The following ANO4 variants were observed in gnomAD, a reference collection of about 807,000 sequenced individuals.
ANO4 encodes anoctamin 4.
In ANO4, 69 loss-of-function variants were observed where a neutral mutation model predicts 141.9. That is an observed-to-expected ratio of 0.49 (90% CI 0.40 to 0.59). The LOEUF is 0.59. Ranked by LOEUF, ANO4 falls within the 20% of genes least tolerant of loss-of-function variation. The pLI is 0.00. For missense variants in ANO4, 894 were observed against 1,162.2 expected (o/e 0.77, Z 3.36); for synonymous variants, 350 against 394.3 (o/e 0.89, Z 1.33).
intron 5 of ANO4, among the ~76,000 whole-genome samples, chr12:100,967,882 G>A (rs1298022597): frequency 2.0e-5 from 3 of 152,104 alleles, no homozygotes; most frequent in Admixed American, 6.5e-5. Flanking sequence ...AACTTCAGAA[G>A]TTATCAGGTA....
At chr12:100,772,202 A>G (rs2033329057) in intron 3 of ANO4, among the ~76,000 whole-genome samples, 1 of 152,222 alleles carries the variant, frequency 6.6e-6, no homozygotes, top group Non-Finnish European at 1.5e-5. Flanking sequence ...TTGAGGAAGC[A>G]TGACATGGGA....
chr12:100,946,848 C>T (rs537000190), intron 5 of ANO4, among the ~76,000 whole-genome samples: 58 of 152,276 alleles, frequency 3.8e-4, no homozygotes, highest in African/African-American at 1.3e-3. Context: ...AAGAAGGAGT[C>T]ACCAAGGAGC....
chr12:101,106,546 T>C (rs1334400652), intron 22 of ANO4, among the ~76,000 whole-genome samples: 1 of 145,338 alleles, frequency 6.9e-6, no homozygotes, highest in African/African-American at 2.6e-5. Flanking sequence ...AATTTATTGA[T>C]ATATGGATAT....
At chr12:101,063,245 C>T (rs1403133763) in intron 14 of ANO4, among the ~76,000 whole-genome samples, 1 of 152,196 alleles carries the variant, frequency 6.6e-6, no homozygotes, top group Admixed American at 6.5e-5. Context: ...ATGAGATGAG[C>T]TGGGTACTTC....
rs11832278 is a variant in ANO4, at chr12:101,050,525, G to A, written c.1312+2124G>A. On this transcript the variant is annotated intron_variant, in intron 14 of 27. Coordinates refer to ENST00000392977, the MANE Select transcript of ANO4 (RefSeq NM_001286615.2). ...CTATTAGTATCATACACCGTGATTC[G>A]GATAAGCCATATAATGCTTAAGCTT... Among the ~76,000 whole-genome samples the A allele has an allele frequency of 2.9e-3, 434 of 152,164 alleles. 2 individuals are homozygous for A. The highest frequency in any genetic ancestry group is 9.6e-3 in the African/African-American group (400 of 41,498).
At chr12:100,788,479 A>G (rs1471134955) in intron 3 of ANO4, among the ~76,000 whole-genome samples, 1 of 152,190 alleles carries the variant, frequency 6.6e-6, no homozygotes, top group Non-Finnish European at 1.5e-5. Context: ...GTCACTGGAT[A>G]GCATTTTAAT....
At chr12:100,792,939 G>A (rs970428476), upstream of ANO4, among the ~76,000 whole-genome samples, 1 of 152,158 alleles carries the variant, frequency 6.6e-6, no homozygotes, top group Non-Finnish European at 1.5e-5. Flanking sequence ...GAAATTATTT[G>A]TGCATTTATA....
chr12:100,735,527 G>A (rs1204386875), intron 2 of ANO4, among the ~76,000 whole-genome samples: 1 of 152,106 alleles, frequency 6.6e-6, no homozygotes, highest in African/African-American at 2.4e-5. Flanking sequence ...TGAACAGGAT[G>A]GAGTTCCTAT....
intron 1 of ANO4, among the ~76,000 whole-genome samples, chr12:100,808,713 CACCGT>C (rs1356820781): frequency 2.6e-5 from 4 of 152,174 alleles, no homozygotes; most frequent in African/African-American, 9.7e-5. Flanking sequence ...GTTTCTTTGA[CACCGT>C]AAAATAGATT....
chr12:101,066,300 T>G lies in ANO4; in HGVS notation c.1313-12893T>G, dbSNP rs995865478. On this transcript the variant is annotated intron_variant, in intron 14 of 27. Transcript: ENST00000392977. ...GAGAAAGAAATAAATGGCACCCAAA[T>G]TGGAAAGGAAGACATCAAATTATCC... 3.3e-5 allele frequency among the ~76,000 whole-genome samples: 5 copies of G among 152,280 alleles called. No individual in the cohort carries two copies. The East Asian group carries it at 7.7e-4, about 23-fold the overall frequency.
intron 1 of ANO4, among the ~76,000 whole-genome samples, chr12:100,897,348 T>C (rs2040398109): frequency 6.6e-6 from 1 of 152,076 alleles, no homozygotes; most frequent in South Asian, 2.1e-4. Flanking sequence ...GGAAAGACAG[T>C]GAGGATACAA....
intron 5 of ANO4, among the ~76,000 whole-genome samples, chr12:100,945,832 C>A (rs1359800493): frequency 6.6e-6 from 1 of 152,088 alleles, no homozygotes; most frequent in Admixed American, 6.6e-5. Flanking sequence ...ATGGTTATTT[C>A]ATTCAAAAAA....
At chr12:100,725,883 GTGA>G (rs2031093872) in intron 1 of ANO4, among the ~76,000 whole-genome samples, 2 of 152,278 alleles carry the variant, frequency 1.3e-5, no homozygotes, top group African/African-American at 2.4e-5. Flanking sequence ...TTCTAGTTGT[GTGA>G]TGAAGAGCAA....
intron 5 of ANO4, among the ~76,000 whole-genome samples, chr12:100,965,182 C>A (rs2043597632): frequency 6.6e-6 from 1 of 152,164 alleles, no homozygotes; most frequent in Non-Finnish European, 1.5e-5. Flanking sequence ...AGCTCCAGCC[C>A]CTCACTGCAG....
chr12:101,067,799 A>G (rs887125482), intron 14 of ANO4, among the ~76,000 whole-genome samples: 6 of 152,394 alleles, frequency 3.9e-5, no homozygotes, highest in Non-Finnish European at 8.8e-5. Context: ...TTGTCCTGCC[A>G]TGCAGACTGA....
At chr12:100,939,268 G>T (rs761557751) in intron 3 of ANO4, 47 bp from the exon 4 acceptor site, 1 of 1,567,698 alleles carries the variant, frequency 6.4e-7, no homozygotes, top group African/African-American at 1.4e-5. Flanking sequence ...TTGCTTTCAA[G>T]ATCCCAGATT....
At chr12:101,123,794 G>A (rs1037691772) in intron 26 of ANO4, among the ~76,000 whole-genome samples, 2 of 152,072 alleles carry the variant, frequency 1.3e-5, no homozygotes, top group Admixed American at 1.3e-4. Flanking sequence ...ATGCATGTAT[G>A]TTTATAATAG....
chr12:100,790,898 A>G (rs140682911), upstream of ANO4, among the ~76,000 whole-genome samples: 342 of 152,324 alleles, frequency 2.2e-3, 2 homozygotes, highest in African/African-American at 7.5e-3. Flanking sequence ...TGATAGGGAA[A>G]CATTAGCAGT....
chr12:101,077,867 G>A (rs1045413783), intron 14 of ANO4, among the ~76,000 whole-genome samples: 2 of 152,134 alleles, frequency 1.3e-5, no homozygotes, highest in African/African-American at 2.4e-5. Context: ...GCAGATAAGG[G>A]ATTGTGGACC....
Sources: allele counts gnomAD v4.1 joint callset (sites outside exome capture counted in the v4.1 genomes callset), GRCh38; gene constraint gnomAD v4.1.1; transcripts MANE v1.5; gene names NCBI Gene and HGNC (gene_info 2026-07-23, HGNC 2026-07-21).